Variants in ASIC1 observed in about 807,000 individuals in gnomAD.
ASIC1 encodes the protein acid sensing ion channel subunit 1.
Under a neutral mutation model 63.4 loss-of-function variants are expected in ASIC1, and 21 were observed. The ratio of observed to expected loss-of-function variants is 0.33; its 90% CI spans 0.23 to 0.48. The LOEUF (loss-of-function observed/expected upper bound fraction) is 0.48, where lower values mean the gene tolerates loss of function less well. Among genes scored for constraint, ASIC1 ranks in the 20% least tolerant of loss-of-function variants. The pLI is 0.99. For synonymous variants in ASIC1, 258 were observed against 278.2 expected, an observed-to-expected ratio of 0.93 and a Z score of 0.72; for missense variants, 478 against 695.5, an observed-to-expected ratio of 0.69 and a Z score of 3.52.
Position 50,059,702 on chromosome 12 carries a change from G to T in ASIC1, c.363-57G>T, listed in dbSNP as rs552707144. On this transcript the variant is annotated intron_variant, in intron 2 of 11. Coordinates refer to ENST00000447966, the MANE Select transcript of ASIC1 (RefSeq NM_001095.4). This position sits in a 1 kb window ranked among gnomAD's most constrained non-coding sequence, Gnocchi z 4.6. ...GGAGGCTGCCCCCATCACCCAAGTT[G>T]GGTGCAGGACACTGATGACTGTACT... 1.3e-6 allele frequency: 2 copies of T among 1,555,788 alleles called. No homozygotes were observed. Among genetic ancestry groups the T allele is most frequent in the African/African-American group, 1.4e-5 (1 of 73,668 alleles).
chr12:50,061,475 G>A (rs980148180), intron 3 of ASIC1, among the ~76,000 whole-genome samples: 2 of 152,188 alleles, frequency 1.3e-5, no homozygotes, highest in Admixed American at 6.5e-5. Context: ...CCCAGAGCTT[G>A]AGACCAGAGG....
chr12:50,064,930 G>A (rs566544931), intron 3 of ASIC1, among the ~76,000 whole-genome samples: 1 of 152,174 alleles, frequency 6.6e-6, no homozygotes. Flanking sequence ...CAGCACGGAA[G>A]GTTCAGGGCT....
chr12:50,066,150 G>T (rs1032040472), intron 3 of ASIC1, among the ~76,000 whole-genome samples: 5 of 152,214 alleles, frequency 3.3e-5, no homozygotes, highest in African/African-American at 1.2e-4. Flanking sequence ...ATCTCTTTCA[G>T]TTGTGCTTTG....
At chr12:50,067,996 T>C (rs1002224576) in intron 3 of ASIC1, among the ~76,000 whole-genome samples, 1 of 152,160 alleles carries the variant, frequency 6.6e-6, no homozygotes, top group Admixed American at 6.6e-5. Flanking sequence ...CCCCAGAAAG[T>C]TCCTTCAGGC....
chr12:50,081,318 G>A lies in ASIC1; in HGVS notation c.1436G>A (p.Ser479Asn), dbSNP rs1164681310. Residue 479 changes from serine (S) to asparagine (N), a missense_variant, in exon 11 of 12, where the codon AGT (serine) becomes AAT (asparagine). This residue lies in a region of ASIC1 where 104 missense variants were observed against 97.0 expected (regional missense o/e 1.07). Transcript: ENST00000447966. ...GKCQKEAKRS[S>N]ADKGVALSLD... ...TGCCAGAAGGAGGCCAAAAGGAGCA[G>A]TGCGGACAAGGGCGTGGCCCTCAGC... is the stretch of plus-strand genomic sequence containing the variant. The A allele has an allele frequency of 1.2e-6, 2 of 1,611,360 alleles. No homozygotes were observed. Among genetic ancestry groups the A allele is most frequent in the Non-Finnish European group, 1.7e-6 (2 of 1,178,820 alleles).
rs540329393 is a variant in ASIC1 at position 50,082,739 on chromosome 12, C to T, written c.*1090C>T. 1.3e-5 allele frequency: 2 copies of T among 152,794 alleles called. No individual in the cohort carries two copies. The highest frequency in any genetic ancestry group is 4.1e-4 in the South Asian group (2 of 4,830). The allele number at this position is 152,794 out of a possible 1,614,324, so 9.5% of individuals were successfully genotyped here. A position where few individuals can be genotyped will look rare whatever the true frequency, so the allele number is the denominator to read the frequency against. On this transcript the variant is annotated 3_prime_UTR_variant, in exon 12 of 12. Transcript: ENST00000447966. ...AGAGTTGGACTCTCTCCCCTGGTGT[C>T]TGTACTGTGTACACACATCCCTCTG...
chr12:50,059,016 C>T lies in ASIC1; in HGVS notation c.250C>T (p.Gln84Ter). The part of the protein sequence containing the change: ...VTKLDEVAAS[Q>*]LTFPAVTLCN... ...CAAGCTCGACGAGGTGGCTGCCTCT[C>T]AGCTTACCTTCCCTGCTGTCACGCT... is the stretch of plus-strand genomic sequence containing the variant. The change falls in exon 2 of 12, where the codon CAG becomes TAG. Residue 84 changes from glutamine (Q) to a stop codon, truncating the protein, a stop_gained. Coordinates refer to ENST00000447966, the MANE Select transcript of ASIC1 (RefSeq NM_001095.4). LOFTEE classifies it high-confidence loss of function. The surrounding 1 kb of genome is among the most constrained non-coding windows in gnomAD (Gnocchi z 4.6). 1.2e-6 allele frequency: 2 copies of T among 1,614,236 alleles called. No individual in the cohort carries two copies. Among genetic ancestry groups the T allele is most frequent in the Non-Finnish European group, 1.7e-6 (2 of 1,180,032 alleles).
rs1391192670 is a variant in ASIC1 at position 50,074,846 on chromosome 12, C to A, written c.559-2367C>A. The stretch of plus-strand genomic sequence containing the variant: ...TTCCTGTGCCCTCCTATGGACGCCC[C>A]ACCCCCACCAGCTCTGTGTGTGTGT... On this transcript the variant is annotated intron_variant, in intron 3 of 11. Transcript: ENST00000447966. The surrounding 1 kb of genome is among the most constrained non-coding windows in gnomAD (Gnocchi z 4.2). 6.7e-6 allele frequency among the ~76,000 whole-genome samples: 1 copy of A among 150,276 alleles called. No individual in the cohort carries two copies. The highest frequency in any genetic ancestry group is 2.5e-5 in the African/African-American group (1 of 40,432).
At chr12:50,080,165 C>T (rs1950700535) in intron 8 of ASIC1, 110 bp downstream of exon 8, 9 of 1,426,562 alleles carry the variant, frequency 6.3e-6, no homozygotes, top group South Asian at 5.6e-5. Flanking sequence ...TGAGATAACA[C>T]GGGGAAGGTC....
chr12:50,070,382 G>A (rs1429913847), intron 3 of ASIC1, among the ~76,000 whole-genome samples: 5 of 151,786 alleles, frequency 3.3e-5, no homozygotes, highest in Non-Finnish European at 2.9e-5. Context: ...GGGTGTGTGC[G>A]TGTTGGGGTG....
At chr12:50,076,122 G>C (rs1170403068) in intron 3 of ASIC1, among the ~76,000 whole-genome samples, 1 of 152,134 alleles carries the variant, frequency 6.6e-6, no homozygotes, top group African/African-American at 2.4e-5. Flanking sequence ...GCTGATAATG[G>C]GATAATGGAA....
chr12:50,076,061 C>T (rs763499646), intron 3 of ASIC1, among the ~76,000 whole-genome samples: 2 of 152,194 alleles, frequency 1.3e-5, no homozygotes, highest in Non-Finnish European at 2.9e-5. Context: ...GGTGCTGGTG[C>T]TTGGTTGAGT....
chr12:50,058,310 C>G (rs1463800786), intron 1 of ASIC1, among the ~76,000 whole-genome samples: 1 of 152,334 alleles, frequency 6.6e-6, no homozygotes, highest in Non-Finnish European at 1.5e-5. Flanking sequence ...ACCACAGCCC[C>G]GTCCAGGGAA....
intron 9 of ASIC1, 152 bp downstream of exon 9, chr12:50,080,741 GA>G: frequency 6.2e-7 from 1 of 1,603,070 alleles, no homozygotes; most frequent in South Asian, 1.1e-5. Context: ...AGTGGTGAGG[GA>G]AGGGAACTGA....
chr12:50,076,610 A>T (rs1950657617), intron 3 of ASIC1: 1 of 178,450 alleles, frequency 5.6e-6, no homozygotes, highest in Admixed American at 5.6e-5. Flanking sequence ...CCGTGTTAGG[A>T]TCCTGGTGAT....
chr12:50,076,974 A>G (rs777179185), intron 3 of ASIC1: 12 of 671,554 alleles, frequency 1.8e-5, no homozygotes, highest in African/African-American at 1.1e-4. Context: ...CTAGAAGCCC[A>G]TGCAGGTGGC....
chr12:50,080,035 C>T lies in ASIC1; in HGVS notation c.1185C>T (p.Asn395=), dbSNP rs1315836570. The T allele has an allele frequency of 6.2e-7, 1 of 1,612,880 alleles. No individual in the cohort carries two copies. The highest frequency in any genetic ancestry group is 8.5e-7 in the Non-Finnish European group (1 of 1,179,302). ...ASAKYLAKKF[N]KSEQYIGENI... ...CCAAGTACCTGGCCAAGAAGTTCAA[C>T]AAATCTGAGCAATACATAGGGTAAG... The change falls in exon 8 of 12, where the codon AAC becomes AAT. Residue 395 remains asparagine (N), a synonymous_variant. Coordinates refer to ENST00000447966, the MANE Select transcript of ASIC1 (RefSeq NM_001095.4).
chr12:50,066,151 T>C (rs1395523304), intron 3 of ASIC1, among the ~76,000 whole-genome samples: 1 of 152,222 alleles, frequency 6.6e-6, no homozygotes, highest in Non-Finnish European at 1.5e-5. Context: ...TCTCTTTCAG[T>C]TGTGCTTTGC....
intron 3 of ASIC1, among the ~76,000 whole-genome samples, chr12:50,069,250 T>TA (rs1565727720): frequency 2.2e-5 from 3 of 138,264 alleles, no homozygotes; most frequent in African/African-American, 8.0e-5. Context: ...CTTTATTTAT[T>TA]TTTTATTTTA....
Sources: allele counts gnomAD v4.1 joint callset (sites outside exome capture counted in the v4.1 genomes callset), GRCh38; gene constraint gnomAD v4.1.1; regional missense constraint gnomAD v4.1.1; non-coding constraint Gnocchi (gnomAD v3.1); transcripts MANE v1.5; gene names NCBI Gene and HGNC (gene_info 2026-07-23, HGNC 2026-07-21).